KIFAP3: variants seen among roughly 807,000 people sequenced by gnomAD.
KIFAP3 encodes kinesin associated protein 3, also known as kinesin-associated protein 3.
A neutral mutation model predicts 106.5 loss-of-function variants in KIFAP3; 68 were observed. The ratio of observed to expected loss-of-function variants is 0.64; its 90% CI spans 0.53 to 0.78. KIFAP3 has a LOEUF of 0.78. Among genes scored for constraint, KIFAP3 ranks in the 30% least tolerant of loss-of-function variants. The pLI, the probability that KIFAP3 is intolerant of heterozygous loss-of-function variation, is 0.00. For synonymous variants in KIFAP3, 320 were observed against 311.5 expected (o/e 1.03, Z -0.29); for missense variants, 780 against 941.8 (o/e 0.83, Z 2.25).
intron 8 of KIFAP3, among the ~76,000 whole-genome samples, chr1:170,029,351 T>C (rs61825348): frequency 0.1 from 15,870 of 152,060 alleles, 989 homozygotes; most frequent in East Asian, 0.19. Context: ...TCAACACATG[T>C]AAAGCCTTGA....
chr1:170,017,713 A>G (rs1668597505), intron 9 of KIFAP3, among the ~76,000 whole-genome samples: 1 of 152,188 alleles, frequency 6.6e-6, no homozygotes, highest in African/African-American at 2.4e-5. Flanking sequence ...GCGTTCCTAG[A>G]CCAGGAATAC....
intron 4 of KIFAP3, 46 bp downstream of exon 4, chr1:170,039,187 T>C: frequency 2.7e-6 from 3 of 1,131,300 alleles, no homozygotes; most frequent in Middle Eastern, 2.1e-4. Flanking sequence ...AAAGGCAATA[T>C]CTTATAATCC....
chr1:169,926,624 TGA>T (rs1352774204), intron 19 of KIFAP3, among the ~76,000 whole-genome samples: 1 of 151,924 alleles, frequency 6.6e-6, no homozygotes, highest in Non-Finnish European at 1.5e-5. Flanking sequence ...TATATAATAT[TGA>T]GTTATAGTTA....
intron 1 of KIFAP3, chr1:170,067,772 T>G (rs1011406974): frequency 6.6e-5 from 10 of 152,250 alleles, no homozygotes; most frequent in African/African-American, 2.4e-4. Flanking sequence ...TGCTGGCCCC[T>G]GGGATAAATA....
At chr1:169,922,788 TGATTTAA>T (rs912331546) in intron 19 of KIFAP3, among the ~76,000 whole-genome samples, 9 of 152,162 alleles carry the variant, frequency 5.9e-5, no homozygotes, top group East Asian at 1.9e-4. Context: ...CATATTTAAA[TGATTTAA>T]GATTTAAGTT....
At chr1:169,985,432 G>T (rs2474698) in intron 11 of KIFAP3, among the ~76,000 whole-genome samples, 141,062 of 151,902 alleles carry the variant, frequency 0.93, 65,543 homozygotes, top group East Asian at 1. Flanking sequence ...AGATGTTATG[G>T]TTAAAGGAGT....
chr1:169,982,137 C>T, intron 14 of KIFAP3, 40 bp from the exon 15 acceptor site: 10 of 1,597,384 alleles, frequency 6.3e-6, no homozygotes, highest in Non-Finnish European at 7.7e-6. Context: ...ACTGAAATGT[C>T]CTGATCCAAA....
chr1:170,044,187 A>G (rs905247124), intron 3 of KIFAP3, among the ~76,000 whole-genome samples: 5 of 152,174 alleles, frequency 3.3e-5, no homozygotes, highest in African/African-American at 1.2e-4. Context: ...TTGTAAAGTA[A>G]TTGTGTATTC....
chr1:170,029,605 AC>A (rs1260106999), intron 8 of KIFAP3, among the ~76,000 whole-genome samples: 1 of 151,970 alleles, frequency 6.6e-6, no homozygotes, highest in Admixed American at 6.6e-5. Flanking sequence ...AACAACAACA[AC>A]AACAACAAAA....
intron 5 of KIFAP3, among the ~76,000 whole-genome samples, chr1:170,035,972 A>G (rs1008525530): frequency 1.3e-5 from 2 of 152,046 alleles, no homozygotes; most frequent in African/African-American, 4.8e-5. Context: ...CTAGAAAAAA[A>G]TGAGCAGGTT....
At chr1:169,933,483 T>C (rs1571515139) in intron 19 of KIFAP3, among the ~76,000 whole-genome samples, 2 of 152,058 alleles carry the variant, frequency 1.3e-5, no homozygotes, top group South Asian at 2.1e-4. Context: ...TATAAGACTA[T>C]AGATTATAAG....
At chr1:169,928,693 T>A (rs1387883882) in intron 19 of KIFAP3, among the ~76,000 whole-genome samples, 2 of 11,816 alleles carry the variant, frequency 1.7e-4, no homozygotes, top group Non-Finnish European at 2.4e-4. Context: ...AGTGAGACCC[T>A]GTCTCCAAAA....
At chr1:170,039,372 T>A in intron 3 of KIFAP3, 84 bp from the exon 4 acceptor site, 1 of 696,294 alleles carries the variant, frequency 1.4e-6, no homozygotes, top group South Asian at 1.8e-5. Context: ...TGAGTTTAAC[T>A]CTAGGTAAAC....
At chr1:169,955,127 T>C (rs1360064544) in intron 18 of KIFAP3, among the ~76,000 whole-genome samples, 1 of 152,144 alleles carries the variant, frequency 6.6e-6, no homozygotes, top group Non-Finnish European at 1.5e-5. Flanking sequence ...TCTGAAAGTA[T>C]GCTGGGTTGT....
Position 170,016,606 on chromosome 1 carries a change from C to T in KIFAP3, c.1039G>A (p.Glu347Lys). ...KNDMVEMDIV[E>K]KLVKMIPCEH... ...CAAGGTATCATTTTCACCAGTTTTT[C>T]AACAATATCCATTTCCACCTAAGTA... The change falls in exon 10 of 20, where the codon GAA (glutamate) becomes AAA (lysine). Residue 347 changes from glutamate (E) to lysine (K), a missense_variant. Glu to Lys is a moderately conservative substitution (Grantham distance 56). Coordinates refer to ENST00000361580, the MANE Select transcript of KIFAP3 (RefSeq NM_014970.4). The T allele has an allele frequency of 6.3e-7, 1 of 1,586,210 alleles. No homozygotes were observed. Among genetic ancestry groups the T allele is most frequent in the Non-Finnish European group, 8.6e-7 (1 of 1,169,584 alleles).
intron 14 of KIFAP3, 43 bp from the exon 15 acceptor site, chr1:169,982,140 G>A (rs772960230): frequency 3.1e-6 from 5 of 1,591,466 alleles, no homozygotes; most frequent in Non-Finnish European, 4.3e-6. Flanking sequence ...GAAATGTCCT[G>A]ATCCAAATTC....
At chr1:170,078,267 CTA>C (rs1671958481), upstream of KIFAP3, among the ~76,000 whole-genome samples, 1 of 151,940 alleles carries the variant, frequency 6.6e-6, no homozygotes, top group Non-Finnish European at 1.5e-5. Flanking sequence ...GTGTGCAGGG[CTA>C]TCTCACTTGA....
Position 169,931,869 on chromosome 1 carries a change from T to G in KIFAP3, c.2274-10088A>C, listed in dbSNP as rs1663505494. Among the ~76,000 whole-genome samples, 4 of 152,214 alleles carry G rather than the reference T, an allele frequency of 2.6e-5. No individual in the cohort carries two copies. In the South Asian group the frequency reaches 6.2e-4, roughly 24 times the overall value. On this transcript the variant is annotated intron_variant, in intron 19 of 19. Transcript: ENST00000361580. ...GCCTGAACACCACAACTAATTACTATGTAATGCTAACCTTAGTTGCTGGTT... is the reference window on the plus strand; with the variant it reads ...GCCTGAACACCACAACTAATTACTAGGTAATGCTAACCTTAGTTGCTGGTT...
At chr1:170,074,024 T>G (rs1164898240) in intron 1 of KIFAP3, among the ~76,000 whole-genome samples, 11 of 152,058 alleles carry the variant, frequency 7.2e-5, no homozygotes, top group Non-Finnish European at 1.6e-4. Flanking sequence ...CCCATGGCAA[T>G]GAACCCCAAA....
Sources: gnomAD v4.1 joint callset for allele counts (sites outside exome capture counted in the v4.1 genomes callset) on GRCh38, gnomAD v4.1.1 for gene constraint, MANE v1.5 for transcripts, NCBI Gene and HGNC (gene_info 2026-07-23, HGNC 2026-07-21) for gene names.